Variants in GPRIN3 observed in about 807,000 individuals in gnomAD.
GPRIN3 encodes the protein GPRIN family member 3, also known as G protein-regulated inducer of neurite outgrowth 3.
GPRIN3 carries 12 observed loss-of-function variants against 13.7 expected under a neutral mutation model. The observed-to-expected ratio is 0.87, with a 90% CI of 0.56 to 1.42. The LOEUF is 1.42. Ranked by LOEUF, GPRIN3 falls within the 40% of genes most tolerant of loss-of-function variation. The pLI is 0.00. For missense variants in GPRIN3, 1,009 were observed against 958.7 expected (o/e 1.05, Z -0.69); for synonymous variants, 377 against 372.7 (o/e 1.01, Z -0.13).
rs1039903535 is a variant in GPRIN3, at chr4:89,286,091, G to GTGTATATATATA, written c.-124+21523_-124+21524insTATATATATACA. Among the ~76,000 whole-genome samples the GTGTATATATATA allele has an allele frequency of 5.3e-3, 770 of 146,660 alleles. 4 individuals are homozygous for GTGTATATATATA. Among genetic ancestry groups the GTGTATATATATA allele is most frequent in the African/African-American group, 0.016 (629 of 39,712 alleles). On this transcript the variant is annotated intron_variant, in intron 1 of 1. Transcript: ENST00000609438. ...TACATGTGTACGTGTATGTGTGTGT[G>GTGTATATATATA]TATATATATATATATATATATATGT...
chr4:89,301,511 C>T (rs960537580), intron 1 of GPRIN3, among the ~76,000 whole-genome samples: 3 of 152,160 alleles, frequency 2.0e-5, no homozygotes, highest in African/African-American at 7.2e-5. Context: ...CACACAAACA[C>T]TTCACTCCCT....
intron 1 of GPRIN3, among the ~76,000 whole-genome samples, chr4:89,255,008 C>G (rs1222049810): frequency 1.3e-5 from 2 of 152,140 alleles, no homozygotes; most frequent in African/African-American, 4.8e-5. Flanking sequence ...TCCAAGTGAC[C>G]AGGAGTCCTG....
intron 1 of GPRIN3, among the ~76,000 whole-genome samples, chr4:89,293,888 T>C (rs1011224159): frequency 6.6e-6 from 1 of 152,232 alleles, no homozygotes; most frequent in Non-Finnish European, 1.5e-5. Flanking sequence ...TTAAATCTTT[T>C]CTATTCAGAA....
chr4:89,246,060 G>A lies in GPRIN3; in HGVS notation c.*1720C>T, dbSNP rs916596515. The A allele has an allele frequency of 6.6e-6, 1 of 152,132 alleles. No homozygotes were observed. Among genetic ancestry groups the A allele is most frequent in the Non-Finnish European group, 1.5e-5 (1 of 68,038 alleles). 9.4% of individuals were successfully genotyped at this position (152,132 alleles called of 1,614,324 possible). The stretch of plus-strand genomic sequence containing the variant: ...AATCAAAGGCTTTTTACTAATTTAG[G>A]TTGTGTCGAGTGTAGCTTGTGCTAA... On this transcript the variant is annotated 3_prime_UTR_variant, in exon 2 of 2. Coordinates refer to ENST00000609438, the MANE Select transcript of GPRIN3 (RefSeq NM_198281.3).
chr4:89,277,081 CCAAA>C lies in GPRIN3; in HGVS notation c.-123-26852_-123-26849del, dbSNP rs537576213. 1.2e-4 allele frequency among the ~76,000 whole-genome samples: 19 copies of C among 152,086 alleles called. No individual in the cohort carries two copies. The South Asian group carries it at 4.0e-3, about 32-fold the overall frequency. On this transcript the variant is annotated intron_variant, in intron 1 of 1. Coordinates refer to ENST00000609438, the MANE Select transcript of GPRIN3 (RefSeq NM_198281.3). Reference sequence around the variant, plus strand: ...ACACATCTTGGGAGGAGTCTTCAGTCCAAACAAAGAATTTTTCTCCTAGAACCAT... The same window carrying C: ...ACACATCTTGGGAGGAGTCTTCAGTCCAAAGAATTTTTCTCCTAGAACCAT...
intron 1 of GPRIN3, among the ~76,000 whole-genome samples, chr4:89,269,223 T>C (rs57401679): frequency 6.6e-6 from 1 of 152,214 alleles, no homozygotes. Context: ...CTTCTCATTC[T>C]TCCTGTTAGA....
chr4:89,270,239 G>A (rs1723893380), intron 1 of GPRIN3, among the ~76,000 whole-genome samples: 1 of 151,908 alleles, frequency 6.6e-6, no homozygotes, highest in Non-Finnish European at 1.5e-5. Context: ...AATGAAGATG[G>A]TAGATTAATA....
At position 89,250,099 on chromosome 4, in the gene GPRIN3, T is replaced by TA; in HGVS notation, c.11dup (p.Pro5ThrfsTer2). Reference sequence around the variant, plus strand: ...TTTTAGCTGATCTCAGAGGGTCAGGTACAGTCCCCATGGAATTTCTCTTCA... The same window carrying TA: ...TTTTAGCTGATCTCAGAGGGTCAGGTAACAGTCCCCATGGAATTTCTCTTCA... On this transcript the variant is annotated frameshift_variant, in exon 2 of 2. Coordinates refer to ENST00000609438, the MANE Select transcript of GPRIN3 (RefSeq NM_198281.3). LOFTEE classifies it low-confidence loss of function (END_TRUNC). 1 of 1,612,512 alleles carries TA rather than the reference T, an allele frequency of 6.2e-7. No individual in the cohort carries two copies.
Position 89,245,635 on chromosome 4 carries a change from C to G in GPRIN3, c.*2145G>C, listed in dbSNP as rs1171682739. ...ACCCATCTGGAGTAGGCCCTGTTGA[C>G]AGCTGCTACTGTGTACACAGGCTGT... is the stretch of plus-strand genomic sequence containing the variant. On this transcript the variant is annotated 3_prime_UTR_variant, in exon 2 of 2. Coordinates refer to ENST00000609438, the MANE Select transcript of GPRIN3 (RefSeq NM_198281.3). The G allele has an allele frequency of 6.6e-6, 1 of 152,246 alleles. No individual in the cohort carries two copies. The highest frequency in any genetic ancestry group is 1.5e-5 in the Non-Finnish European group (1 of 68,054). The allele number at this position is 152,246 out of a possible 1,614,324, so 9.4% of individuals were successfully genotyped here. A position where few individuals can be genotyped will look rare whatever the true frequency, so the allele number is the denominator to read the frequency against.
At chr4:89,273,246 A>G (rs926171183) in intron 1 of GPRIN3, among the ~76,000 whole-genome samples, 1 of 152,228 alleles carries the variant, frequency 6.6e-6, no homozygotes, top group Non-Finnish European at 1.5e-5. Context: ...GCAGAATATT[A>G]CATCAATTTA....
chr4:89,284,727 A>C (rs1436725844), intron 1 of GPRIN3, among the ~76,000 whole-genome samples: 1 of 152,112 alleles, frequency 6.6e-6, no homozygotes, highest in East Asian at 1.9e-4. Flanking sequence ...GCAGTGGGGG[A>C]GATCTGATCT....
At position 89,244,106 on chromosome 4, in the gene GPRIN3, A is replaced by C. The variant is rs1041893351; in HGVS notation, c.*3674T>G. The C allele has an allele frequency of 3.3e-5, 5 of 152,226 alleles. No individual in the cohort carries two copies. The highest frequency in any genetic ancestry group is 6.5e-5 in the Admixed American group (1 of 15,280). 9.4% of individuals were successfully genotyped at this position (152,226 alleles called of 1,614,324 possible). On this transcript the variant is annotated 3_prime_UTR_variant, in exon 2 of 2. Transcript: ENST00000609438. ...TATAGGGATTCTCAGAATGACAGGC[A>C]TTCCCAGAAATGAGAGGAAAAACAT...
chr4:89,296,130 A>G (rs1430474052), intron 1 of GPRIN3, among the ~76,000 whole-genome samples: 1 of 152,158 alleles, frequency 6.6e-6, no homozygotes, highest in African/African-American at 2.4e-5. Context: ...AGTGCTCTCT[A>G]CTGTGTTACC....
intron 1 of GPRIN3, among the ~76,000 whole-genome samples, chr4:89,294,663 C>T (rs1724684527): frequency 1.3e-5 from 2 of 152,108 alleles, no homozygotes; most frequent in Admixed American, 6.5e-5. Context: ...AAGAAAAGAG[C>T]AGCAGGGTAT....
chr4:89,247,738 A>G lies in GPRIN3; in HGVS notation c.*42T>C. ...GCTTTGACATAGAGGGACGCATGTGAATACCGTAAATTTATACACAAACTC... is the reference window on the plus strand; with the variant it reads ...GCTTTGACATAGAGGGACGCATGTGGATACCGTAAATTTATACACAAACTC... On this transcript the variant is annotated 3_prime_UTR_variant, in exon 2 of 2. Coordinates refer to ENST00000609438, the MANE Select transcript of GPRIN3 (RefSeq NM_198281.3). 2.6e-6 allele frequency: 4 copies of G among 1,548,462 alleles called. No individual in the cohort carries two copies. Among genetic ancestry groups the G allele is most frequent in the Non-Finnish European group, 3.5e-6 (4 of 1,143,676 alleles).
At position 89,248,878 on chromosome 4, in the gene GPRIN3, C is replaced by G. The variant is rs377675746; in HGVS notation, c.1233G>C (p.Ala411=). 1.2e-6 allele frequency: 2 copies of G among 1,614,138 alleles called. No homozygotes were observed. The highest frequency in any genetic ancestry group is 2.2e-5 in the East Asian group (1 of 44,876). The change falls in exon 2 of 2, where the codon GCG becomes GCC. Residue 411 remains alanine (A), a synonymous_variant. Transcript: ENST00000609438. The stretch of plus-strand genomic sequence containing the variant: ...TTTTAAGGACCCCACCTGGTAGGCT[C>G]GCAAGTTTATTTTCCCGTTGGAAAG... ...STAFQRENKL[A]SLPGGVLKTS...
At chr4:89,283,513 A>C (rs907773193) in intron 1 of GPRIN3, among the ~76,000 whole-genome samples, 6 of 152,182 alleles carry the variant, frequency 3.9e-5, no homozygotes, top group African/African-American at 1.4e-4. Context: ...AGGTGGGTGG[A>C]ATCTGCCAGT....
At chr4:89,257,361 A>C (rs1407409506) in intron 1 of GPRIN3, among the ~76,000 whole-genome samples, 4 of 152,246 alleles carry the variant, frequency 2.6e-5, no homozygotes. Flanking sequence ...GTTAAAAAAA[A>C]AGGGGTTTAA....
At chr4:89,258,776 T>C (rs1202808464) in intron 1 of GPRIN3, among the ~76,000 whole-genome samples, 1 of 152,210 alleles carries the variant, frequency 6.6e-6, no homozygotes, top group African/African-American at 2.4e-5. Context: ...AAATAGTCAC[T>C]ATGCCAAGGC....
Sources: gnomAD v4.1 joint callset for allele counts (sites outside exome capture counted in the v4.1 genomes callset) on GRCh38, gnomAD v4.1.1 for gene constraint, MANE v1.5 for transcripts, NCBI Gene and HGNC (gene_info 2026-07-23, HGNC 2026-07-21) for gene names.